The following LMOD1 variants were observed in gnomAD, a reference collection of about 807,000 sequenced individuals.
LMOD1 encodes leiomodin 1.
Under a neutral mutation model 36.5 loss-of-function variants are expected in LMOD1, and 8 were observed. The observed-to-expected ratio is 0.22, with a 90% CI of 0.13 to 0.40. The LOEUF (loss-of-function observed/expected upper bound fraction) is 0.40. Ranked by LOEUF, LMOD1 falls within the 10% of genes least tolerant of loss-of-function variation. The pLI, the probability that LMOD1 is intolerant of heterozygous loss-of-function variation, is 1.00. For missense variants in LMOD1, 630 were observed against 751.1 expected, an observed-to-expected ratio of 0.84 and a Z score of 1.88; for synonymous variants, 284 against 288.7, an observed-to-expected ratio of 0.98 and a Z score of 0.17.
At chr1:201,898,456 C>T in intron 2 of LMOD1, 58 bp from the exon 3 acceptor site, 3 of 1,507,552 alleles carry the variant, frequency 2.0e-6, no homozygotes, top group Non-Finnish European at 2.7e-6. Context: ...TCACCTCCCT[C>T]CCTACTGGAA....
intron 1 of LMOD1, among the ~76,000 whole-genome samples, chr1:201,939,228 A>T (rs760341886): frequency 1.1e-4 from 16 of 152,126 alleles, no homozygotes; most frequent in Non-Finnish European, 2.1e-4. Flanking sequence ...GAGTGAGGAA[A>T]GAAGGTCTCT....
intron 1 of LMOD1, among the ~76,000 whole-genome samples, chr1:201,940,764 T>TG (rs1234077366): frequency 6.6e-6 from 1 of 150,824 alleles, no homozygotes; most frequent in Non-Finnish European, 1.5e-5. Context: ...TTTTTTTTTT[T>TG]TGAGACGGAA....
chr1:201,915,171 A>G (rs766052769), intron 1 of LMOD1, among the ~76,000 whole-genome samples: 6 of 152,132 alleles, frequency 3.9e-5, no homozygotes, highest in Non-Finnish European at 7.4e-5. Flanking sequence ...ATCGGTTTCC[A>G]CCGCAGCCTT....
At chr1:201,912,260 C>T (rs1005549854) in intron 1 of LMOD1, among the ~76,000 whole-genome samples, 1 of 152,172 alleles carries the variant, frequency 6.6e-6, no homozygotes, top group Non-Finnish European at 1.5e-5. Context: ...ATTGTCCCTT[C>T]GCACAGGCAT....
At position 201,897,811 on chromosome 1, in the gene LMOD1, C is replaced by T. The variant is rs536721739; in HGVS notation, c.*561G>A. On this transcript the variant is annotated 3_prime_UTR_variant, in exon 3 of 3. Transcript: ENST00000367288. ...GAGCCTACTCCCATCAGGCACTGTG[C>T]ATCCAGGCCACTGCCCCTGCCACAT... The T allele has an allele frequency of 1.6e-3, 251 of 153,504 alleles. No homozygotes were observed. The highest frequency in any genetic ancestry group is 2.7e-3 in the Non-Finnish European group (184 of 68,536). 9.5% of individuals were successfully genotyped at this position (153,504 alleles called of 1,614,324 possible). A position where few individuals can be genotyped will look rare whatever the true frequency, so the allele number is the denominator to read the frequency against.
At chr1:201,933,595 TTATA>T (rs71141426) in intron 1 of LMOD1, among the ~76,000 whole-genome samples, 6,438 of 62,996 alleles carry the variant, frequency 0.1, 483 homozygotes, top group African/African-American at 0.22. Context: ...TATACATACA[TTATA>T]TATATATATA....
intron 1 of LMOD1, among the ~76,000 whole-genome samples, chr1:201,905,960 C>T (rs1275343673): frequency 2.0e-5 from 3 of 152,222 alleles, no homozygotes; most frequent in East Asian, 1.9e-4. Context: ...ATGGCAGTTC[C>T]GACGGTTTGA....
intron 1 of LMOD1, among the ~76,000 whole-genome samples, chr1:201,914,532 C>T (rs1681567811): frequency 1.3e-5 from 2 of 152,126 alleles, no homozygotes; most frequent in Admixed American, 1.3e-4. Context: ...GTCTAGCTCT[C>T]TCCTGGTTCT....
At chr1:201,933,044 A>C (rs1031065686) in intron 1 of LMOD1, among the ~76,000 whole-genome samples, 2 of 152,194 alleles carry the variant, frequency 1.3e-5, no homozygotes, top group African/African-American at 4.8e-5. Flanking sequence ...AAACAACCCA[A>C]ATGTCCATTA....
At chr1:201,924,808 C>G (rs1014838366) in intron 1 of LMOD1, among the ~76,000 whole-genome samples, 3 of 151,914 alleles carry the variant, frequency 2.0e-5, no homozygotes, top group Non-Finnish European at 1.5e-5. Context: ...GAGGATGAAG[C>G]CAGGAGTTCA....
chr1:201,902,461 G>T (rs905294778), intron 1 of LMOD1, among the ~76,000 whole-genome samples: 2 of 151,164 alleles, frequency 1.3e-5, no homozygotes, highest in Admixed American at 6.6e-5. Context: ...TTGTTTGTTT[G>T]TTTTTGACAG....
Position 201,946,173 on chromosome 1 carries a change from C to T in LMOD1, c.168G>A (p.Glu56=), listed in dbSNP as rs1682207852. 6.2e-7 allele frequency: 1 copy of T among 1,613,920 alleles called. No homozygotes were observed. The highest frequency in any genetic ancestry group is 1.7e-5 in the Admixed American group (1 of 60,008). ...GGTTGTACACACCCGTGGACTGTTT[C>T]TCCGTCTGGTTTCTCTGCCGCAGCC... is the stretch of plus-strand genomic sequence containing the variant. ...PVGLRQRNQT[E]KQSTGVYNRE... Residue 56 remains glutamate (E), a synonymous_variant, in exon 1 of 3, where the codon GAG becomes GAA. Coordinates refer to ENST00000367288, the MANE Select transcript of LMOD1 (RefSeq NM_012134.3).
chr1:201,908,303 A>G (rs1239104527), intron 1 of LMOD1, among the ~76,000 whole-genome samples: 1 of 152,170 alleles, frequency 6.6e-6, no homozygotes, highest in Non-Finnish European at 1.5e-5. Context: ...GATGAGTTCT[A>G]AGGGAACCCT....
chr1:201,932,805 C>T (rs1458766922), intron 1 of LMOD1, among the ~76,000 whole-genome samples: 1 of 152,150 alleles, frequency 6.6e-6, no homozygotes, highest in African/African-American at 2.4e-5. Flanking sequence ...CTACTGTTTG[C>T]AAAGCACTAT....
intron 1 of LMOD1, among the ~76,000 whole-genome samples, chr1:201,919,842 T>G (rs959730409): frequency 1.2e-4 from 18 of 152,100 alleles, no homozygotes; most frequent in Non-Finnish European, 1.8e-4. Flanking sequence ...CTCTCTGGTA[T>G]CCTACTACAG....
intron 1 of LMOD1, among the ~76,000 whole-genome samples, chr1:201,935,182 G>A (rs1681994513): frequency 6.6e-6 from 1 of 152,202 alleles, no homozygotes; most frequent in African/African-American, 2.4e-5. Context: ...AATGAGACCA[G>A]TTAGAAGGGT....
chr1:201,912,141 C>G (rs1352445938), intron 1 of LMOD1, among the ~76,000 whole-genome samples: 2 of 152,186 alleles, frequency 1.3e-5, no homozygotes, highest in African/African-American at 4.8e-5. Flanking sequence ...GAGCTGGTTC[C>G]TGAAGGAGGA....
chr1:201,934,228 C>T (rs983760079), intron 1 of LMOD1, among the ~76,000 whole-genome samples: 8 of 152,216 alleles, frequency 5.3e-5, no homozygotes, highest in Non-Finnish European at 1.0e-4. Context: ...TTCTTGTGAC[C>T]TGAGGCTTAA....
At chr1:201,930,379 C>G (rs138221525) in intron 1 of LMOD1, among the ~76,000 whole-genome samples, 1 of 151,906 alleles carries the variant, frequency 6.6e-6, no homozygotes, top group Admixed American at 6.6e-5. Flanking sequence ...CGAGGAGGGG[C>G]AGAGTTCAGA....
Sources: allele counts gnomAD v4.1 joint callset (sites outside exome capture counted in the v4.1 genomes callset), GRCh38; gene constraint gnomAD v4.1.1; transcripts MANE v1.5; gene names NCBI Gene and HGNC (gene_info 2026-07-23, HGNC 2026-07-21).